The following VSIG10L2 variants were observed in gnomAD, a reference collection of about 807,000 sequenced individuals.
VSIG10L2 encodes V-set and immunoglobulin domain containing 10 like 2.
Under a neutral mutation model 67.1 loss-of-function variants are expected in VSIG10L2, and 56 were observed. The observed-to-expected ratio is 0.83, with a 90% CI of 0.67 to 1.04. The LOEUF is 1.04. Ranked by LOEUF, VSIG10L2 falls within the 50% of genes least tolerant of loss-of-function variation. VSIG10L2 has a pLI of 0.00. For missense variants in VSIG10L2, 843 were observed against 932.8 expected (o/e 0.90, Z 1.25); for synonymous variants, 360 against 396.6 (o/e 0.91, Z 1.10).
chr11:125,955,068 T>A lies in VSIG10L2; in HGVS notation c.2095T>A (p.Phe699Ile). The A allele has an allele frequency of 4.0e-6, 5 of 1,235,408 alleles. No individual in the cohort carries two copies. The highest frequency in any genetic ancestry group is 5.0e-6 in the Non-Finnish European group (5 of 990,386). The allele number at this position is 1,235,408 out of a possible 1,614,324, so 76.5% of individuals were successfully genotyped here. ...CTCTCCCCTCCTAGCGGACCCCCCC[T>A]TCAGCGCCTACCCAGCGGTGTTGGG... Reference protein sequence around the residue: ...SEVKIPADPPFSAYPAVLGAA... With the variant: ...SEVKIPADPPISAYPAVLGAA... Residue 699 changes from phenylalanine to isoleucine, a missense_variant, in exon 9 of 12, where the codon TTC (phenylalanine) becomes ATC (isoleucine). Phe to Ile is a conservative substitution (Grantham distance 21). Coordinates refer to ENST00000686984, the MANE Select transcript of VSIG10L2 (RefSeq NM_001365077.2).
chr11:125,954,314 C>T lies in VSIG10L2; in HGVS notation c.2014C>T (p.Leu672Phe), dbSNP rs1178626022. The T allele has an allele frequency of 8.1e-7, 1 of 1,232,086 alleles. No individual in the cohort carries two copies. Among genetic ancestry groups the T allele is most frequent in the East Asian group, 3.2e-5 (1 of 31,722 alleles). The allele number at this position is 1,232,086 out of a possible 1,614,324, so 76.3% of individuals were successfully genotyped here. A position where few individuals can be genotyped will look rare whatever the true frequency, so the allele number is the denominator to read the frequency against. ...RRLGGLDPGV[L>F]YAFRILALNH... ...GCTGGGGGGCTTGGACCCCGGGGTC[C>T]TTTATGCCTTCCGCATCCTGGCTCT... The change falls in exon 8 of 12, where the codon CTT becomes TTT. Residue 672 changes from leucine (L) to phenylalanine (F), a missense_variant. Leu to Phe is a conservative substitution (Grantham distance 22). Around this residue, in one of 2 missense-constraint regions of VSIG10L2, gnomAD observed 397 missense variants for 384.4 expected, o/e 1.03. Transcript: ENST00000686984.
rs627761 is a variant in VSIG10L2, at chr11:125,955,813, A to G, written c.2285-4A>G. The G allele has an allele frequency of 0.092, 71,550 of 779,690 alleles. 4,374 individuals are homozygous for G. Among genetic ancestry groups the G allele is most frequent in the Admixed American group, 0.22 (11,093 of 49,350 alleles). The allele number at this position is 779,690 out of a possible 1,614,324, so 48.3% of individuals were successfully genotyped here. A position where few individuals can be genotyped will look rare whatever the true frequency, so the allele number is the denominator to read the frequency against. On this transcript the variant is annotated splice_polypyrimidine_tract_variant and splice_region_variant and intron_variant, in intron 11 of 11. Coordinates refer to ENST00000686984, the MANE Select transcript of VSIG10L2 (RefSeq NM_001365077.2). ...TGTTCTTTGCCCACATATGCTCTTC[A>G]TAGGCCTTGAAACACCAACCACCAC...
Position 125,951,078 on chromosome 11 carries a change from A to T in VSIG10L2, c.1154A>T (p.Gln385Leu), listed in dbSNP as rs1291908510. 2 of 1,232,550 alleles carry T rather than the reference A, an allele frequency of 1.6e-6. No homozygotes were observed. Among genetic ancestry groups the T allele is most frequent in the African/African-American group, 3.1e-5 (2 of 64,416 alleles). 76.4% of individuals were successfully genotyped at this position (1,232,550 alleles called of 1,614,324 possible). ...SNVTWSHAAA[Q>L]LPSGSVFTCT... ...GTCACCTGGAGTCACGCAGCCGCCC[A>T]GCTCCCCAGTGGCAGCGTCTTCACC... The change falls in exon 5 of 12, where the codon CAG becomes CTG. Residue 385 changes from glutamine to leucine, a missense_variant. Gln to Leu is a moderately radical substitution (Grantham distance 113). Around this residue, in one of 2 missense-constraint regions of VSIG10L2, gnomAD observed 446 missense variants for 548.4 expected, o/e 0.81. Coordinates refer to ENST00000686984, the MANE Select transcript of VSIG10L2 (RefSeq NM_001365077.2).
At chr11:125,954,963 C>A in intron 8 of VSIG10L2, 94 bp from the exon 9 acceptor site, 2 of 1,192,290 alleles carry the variant, frequency 1.7e-6, no homozygotes, top group Non-Finnish European at 2.1e-6. Context: ...AGCAGGGCAC[C>A]GCTTCTCCAG....
chr11:125,953,362 C>G, intron 6 of VSIG10L2, 38 bp from the exon 7 acceptor site: 2 of 1,231,860 alleles, frequency 1.6e-6, no homozygotes. Flanking sequence ...GTCCCCAAGC[C>G]CTCCCACTAG....
chr11:125,951,169 A>C lies in VSIG10L2; in HGVS notation c.1234+11A>C. On this transcript the variant is annotated intron_variant, in intron 5 of 11. Coordinates refer to ENST00000686984, the MANE Select transcript of VSIG10L2 (RefSeq NM_001365077.2). ...GCACAGTCATGCTCTGTGAGTGGAC[A>C]CAGGAAACCCCAGGGCTCTGACATT... 7.3e-6 allele frequency: 9 copies of C among 1,232,732 alleles called. No homozygotes were observed. Among genetic ancestry groups the C allele is most frequent in the Non-Finnish European group, 9.1e-6 (9 of 988,416 alleles). The allele number at this position is 1,232,732 out of a possible 1,614,324, so 76.4% of individuals were successfully genotyped here. A position where few individuals can be genotyped will look rare whatever the true frequency, so the allele number is the denominator to read the frequency against.
chr11:125,947,065 G>T (rs1945309765), intron 1 of VSIG10L2, among the ~76,000 whole-genome samples: 1 of 152,144 alleles, frequency 6.6e-6, no homozygotes, highest in South Asian at 2.1e-4. Flanking sequence ...AGGGGTGGGG[G>T]GCTCATTTGT....
At position 125,951,856 on chromosome 11, in the gene VSIG10L2, G is replaced by A; in HGVS notation, c.1278G>A (p.Met426Ile). ...CTACCTGCTGGAGCACAGCCACAATGGGGGACCAGTTCATCATGCTGAGCT... is the reference window on the plus strand; with the variant it reads ...CTACCTGCTGGAGCACAGCCACAATAGGGGACCAGTTCATCATGCTGAGCT... ...GRPTCWSTAT[M>I]GDQFIMLSCE... The change falls in exon 6 of 12, where the codon ATG becomes ATA. Residue 426 changes from methionine (M) to isoleucine (I), a missense_variant. By Grantham distance (10) the Met-to-Ile change is conservative (BLOSUM62 1). Coordinates refer to ENST00000686984, the MANE Select transcript of VSIG10L2 (RefSeq NM_001365077.2). 6.5e-7 allele frequency: 1 copy of A among 1,529,054 alleles called. No individual in the cohort carries two copies. The highest frequency in any genetic ancestry group is 8.8e-7 in the Non-Finnish European group (1 of 1,142,406). The allele number at this position is 1,529,054 out of a possible 1,614,324, so 94.7% of individuals were successfully genotyped here.
At position 125,947,849 on chromosome 11, in the gene VSIG10L2, C is replaced by T. The variant is rs1461176268; in HGVS notation, c.246C>T (p.Val82=). ...LGSLVPRPVA[V]TDGAMSKVEA... ...CCCTGGTTCCCCGGCCTGTGGCCGTCACCGATGGAGCCATGTCCAAGGTGG... is the reference window on the plus strand; with the variant it reads ...CCCTGGTTCCCCGGCCTGTGGCCGTTACCGATGGAGCCATGTCCAAGGTGG... Residue 82 remains valine, a synonymous_variant, in exon 2 of 12, where the codon GTC becomes GTT. Coordinates refer to ENST00000686984, the MANE Select transcript of VSIG10L2 (RefSeq NM_001365077.2). 1 of 1,232,380 alleles carries T rather than the reference C, an allele frequency of 8.1e-7. No individual in the cohort carries two copies. Among genetic ancestry groups the T allele is most frequent in the Non-Finnish European group, 1.0e-6 (1 of 988,130 alleles). The allele number at this position is 1,232,380 out of a possible 1,614,324, so 76.3% of individuals were successfully genotyped here. A position where few individuals can be genotyped will look rare whatever the true frequency, so the allele number is the denominator to read the frequency against.
Position 125,951,851 on chromosome 11 carries a change from A to G in VSIG10L2, c.1273A>G (p.Thr425Ala). The G allele has an allele frequency of 2.6e-6, 4 of 1,526,664 alleles. No homozygotes were observed. Among genetic ancestry groups the G allele is most frequent in the Non-Finnish European group, 3.5e-6 (4 of 1,140,728 alleles). The allele number at this position is 1,526,664 out of a possible 1,614,324, so 94.6% of individuals were successfully genotyped here. Residue 425 changes from threonine (T) to alanine (A), a missense_variant, in exon 6 of 12, where the codon ACA becomes GCA. Thr to Ala is a moderately conservative substitution (Grantham distance 58, BLOSUM62 0). Around this residue, in one of 2 missense-constraint regions of VSIG10L2, gnomAD observed 446 missense variants for 548.4 expected, o/e 0.81. Transcript: ENST00000686984. ...GAGGCCTACCTGCTGGAGCACAGCC[A>G]CAATGGGGGACCAGTTCATCATGCT... ...LGRPTCWSTA[T>A]MGDQFIMLSC...
At chr11:125,949,510 A>G (rs1945337599) in intron 3 of VSIG10L2, among the ~76,000 whole-genome samples, 1 of 152,188 alleles carries the variant, frequency 6.6e-6, no homozygotes, top group Admixed American at 6.5e-5. Flanking sequence ...GGAAGTAGGC[A>G]AAGAATTCAG....
At chr11:125,947,567 T>C in intron 1 of VSIG10L2, 119 bp from the exon 2 acceptor site, 1 of 1,230,976 alleles carries the variant, frequency 8.1e-7, no homozygotes, top group Non-Finnish European at 1.0e-6. Flanking sequence ...GTGGTCTTCC[T>C]GAACCCTGCC....
chr11:125,952,102 G>T (rs1469974113), intron 6 of VSIG10L2, 29 bp downstream of exon 6: 2 of 1,514,896 alleles, frequency 1.3e-6, no homozygotes, highest in Non-Finnish European at 1.8e-6. Flanking sequence ...GTTTGTTCTG[G>T]GGCTGGGACA....
intron 6 of VSIG10L2, 55 bp downstream of exon 6, chr11:125,952,128 T>G (rs1336521220): frequency 4.0e-6 from 6 of 1,489,830 alleles, no homozygotes; most frequent in Non-Finnish European, 4.5e-6. Flanking sequence ...AGGAACCCTT[T>G]GGAATCAGGA....
Position 125,953,588 on chromosome 11 carries a change from G to A in VSIG10L2, c.1684G>A (p.Gly562Ser), listed in dbSNP as rs1945407648. 8.1e-7 allele frequency: 1 copy of A among 1,232,004 alleles called. No homozygotes were observed. Among genetic ancestry groups the A allele is most frequent in the African/African-American group, 1.6e-5 (1 of 64,394 alleles). The allele number at this position is 1,232,004 out of a possible 1,614,324, so 76.3% of individuals were successfully genotyped here. A position where few individuals can be genotyped will look rare whatever the true frequency, so the allele number is the denominator to read the frequency against. Residue 562 changes from glycine (G) to serine (S), a missense_variant, in exon 7 of 12, where the codon GGC becomes AGC. This residue lies in a region of VSIG10L2 where 397 missense variants were observed against 384.4 expected (regional missense o/e 1.03). Coordinates refer to ENST00000686984, the MANE Select transcript of VSIG10L2 (RefSeq NM_001365077.2). ...CCCTGAGGGTGCCCAGCTGCGCCTG[G>A]GCATCTACGATGCTGACCCGGCACA... ...LHPEGAQLRL[G>S]IYDADPAHHR... is the part of the protein sequence containing the mutation.
Position 125,946,179 on chromosome 11 carries a change from C to T in VSIG10L2, c.82+42C>T, listed in dbSNP as rs115945498. On this transcript the variant is annotated intron_variant, in intron 1 of 11. Coordinates refer to ENST00000686984, the MANE Select transcript of VSIG10L2 (RefSeq NM_001365077.2). The surrounding 1 kb of genome is among the most constrained non-coding windows in gnomAD (Gnocchi z 4.4). ...CCCCCCAGGGGGTTCATTTCCCACTCCCATCCCATTATTCCTGCCACTTCC... is the reference window on the plus strand; with the variant it reads ...CCCCCCAGGGGGTTCATTTCCCACTTCCATCCCATTATTCCTGCCACTTCC... 9.5e-4 allele frequency: 378 copies of T among 398,978 alleles called. No individual in the cohort carries two copies. Among genetic ancestry groups the T allele is most frequent in the African/African-American group, 7.2e-3 (352 of 48,762 alleles). 24.7% of individuals were successfully genotyped at this position (398,978 alleles called of 1,614,324 possible).
At chr11:125,949,577 G>A (rs2134303043) in intron 3 of VSIG10L2, among the ~76,000 whole-genome samples, 1 of 152,134 alleles carries the variant, frequency 6.6e-6, no homozygotes, top group South Asian at 2.1e-4. Context: ...TTGGAACGCA[G>A]GAGAGAGGGG....
rs554213895 is a variant in VSIG10L2, at chr11:125,946,924, G to A, written c.83-762G>A. 7.2e-5 allele frequency among the ~76,000 whole-genome samples: 11 copies of A among 152,320 alleles called. No individual in the cohort carries two copies. The highest frequency in any genetic ancestry group is 3.9e-4 in the East Asian group (2 of 5,180). Reference sequence around the variant, plus strand: ...CCCTGGCCACATGTGAGGGGACAGCGGGGAACATGGTACTTGGGCTTAGGC... The same window carrying A: ...CCCTGGCCACATGTGAGGGGACAGCAGGGAACATGGTACTTGGGCTTAGGC... On this transcript the variant is annotated intron_variant, in intron 1 of 11. Transcript: ENST00000686984. This position sits in a 1 kb window ranked among gnomAD's most constrained non-coding sequence, Gnocchi z 4.4.
intron 5 of VSIG10L2, 120 bp downstream of exon 5, chr11:125,951,278 C>T (rs891936338): frequency 5.2e-6 from 5 of 969,548 alleles, no homozygotes; most frequent in South Asian, 5.4e-5. Flanking sequence ...CTCCAAAACA[C>T]GCCATGTAAC....
Sources: allele counts gnomAD v4.1 joint callset (sites outside exome capture counted in the v4.1 genomes callset), GRCh38; gene constraint gnomAD v4.1.1; regional missense constraint gnomAD v4.1.1; non-coding constraint Gnocchi (gnomAD v3.1); transcripts MANE v1.5; gene names NCBI Gene and HGNC (gene_info 2026-07-23, HGNC 2026-07-21).